The following PDE4D variants were observed in gnomAD, a reference collection of about 807,000 sequenced individuals.
PDE4D encodes the protein phosphodiesterase 4D, also known as 3',5'-cyclic-AMP phosphodiesterase 4D.
In PDE4D, 24 loss-of-function variants were observed where a neutral mutation model predicts 87.4. The observed-to-expected ratio is 0.27, with a 90% CI of 0.20 to 0.39. PDE4D has a LOEUF of 0.39. Among genes scored for constraint, PDE4D ranks in the 10% least tolerant of loss-of-function variants. The pLI is 1.00. For missense variants in PDE4D, 714 were observed against 1,041.0 expected, an observed-to-expected ratio of 0.69 and a Z score of 4.32; for synonymous variants, 384 against 383.2, an observed-to-expected ratio of 1.00 and a Z score of -0.02.
intron 1 of PDE4D, among the ~76,000 whole-genome samples, chr5:59,270,010 A>G (rs1470127221): frequency 2.0e-5 from 3 of 152,112 alleles, no homozygotes; most frequent in Non-Finnish European, 4.4e-5. Flanking sequence ...ACAGTGGACA[A>G]ATGGCTTTTT....
chr5:59,526,640 T>C (rs1813188985), intron 1 of PDE4D, among the ~76,000 whole-genome samples: 1 of 152,220 alleles, frequency 6.6e-6, no homozygotes, highest in Admixed American at 6.5e-5. Flanking sequence ...TTTTATTTTT[T>C]TGAGACAGGG....
rs1009047558 is a variant in PDE4D at position 59,807,453 on chromosome 5, A to T, written c.455+85715T>A. Among the ~76,000 whole-genome samples, 8 of 152,184 alleles carry T rather than the reference A, an allele frequency of 5.3e-5. No individual in the cohort carries two copies. In the East Asian group the frequency reaches 1.5e-3, roughly 29 times the overall value. On this transcript the variant is annotated intron_variant, in intron 1 of 14. Coordinates refer to ENST00000340635, the MANE Select transcript of PDE4D (RefSeq NM_001104631.2). Reference sequence around the variant, plus strand: ...TGGGGGTGGCTACATATGTAGTATGAGGGTAGGAGGTACTGGGCCAAAACG... The same window carrying T: ...TGGGGGTGGCTACATATGTAGTATGTGGGTAGGAGGTACTGGGCCAAAACG...
intron 1 of PDE4D, among the ~76,000 whole-genome samples, chr5:59,478,521 T>A (rs1323422786): frequency 6.6e-6 from 1 of 152,122 alleles, no homozygotes; most frequent in Non-Finnish European, 1.5e-5. Flanking sequence ...CAAATCATTG[T>A]ATCTTCTTTT....
intron 1 of PDE4D, among the ~76,000 whole-genome samples, chr5:60,513,795 A>G (rs764660936): frequency 2.0e-5 from 3 of 151,962 alleles, no homozygotes; most frequent in Non-Finnish European, 4.4e-5. Flanking sequence ...AAAATCCTAC[A>G]GTAGAAAATT....
chr5:60,400,609 C>T (rs989707830), intron 1 of PDE4D, among the ~76,000 whole-genome samples: 6 of 151,410 alleles, frequency 4.0e-5, no homozygotes, highest in Admixed American at 3.3e-4. Flanking sequence ...GTCCTAACAT[C>T]CTACTATAAA....
intron 1 of PDE4D, among the ~76,000 whole-genome samples, chr5:59,417,458 C>A (rs1793798274): frequency 6.6e-6 from 1 of 151,514 alleles, no homozygotes; most frequent in Non-Finnish European, 1.5e-5. Context: ...CACAAATATC[C>A]ATGTCTAGCC....
chr5:60,444,727 G>A (rs1333815268), intron 1 of PDE4D, among the ~76,000 whole-genome samples: 1 of 151,880 alleles, frequency 6.6e-6, no homozygotes, highest in Non-Finnish European at 1.5e-5. Flanking sequence ...GGAGGGGAAG[G>A]GTGGGGATGT....
At chr5:59,003,082 T>G (rs140245339) in intron 6 of PDE4D, among the ~76,000 whole-genome samples, 1 of 152,176 alleles carries the variant, frequency 6.6e-6, no homozygotes, top group Admixed American at 6.5e-5. Context: ...CAGCACTCCA[T>G]GTCTCAGGGC....
intron 4 of PDE4D, among the ~76,000 whole-genome samples, chr5:59,183,738 G>A (rs535132287): frequency 3.3e-5 from 5 of 152,300 alleles, no homozygotes; most frequent in Admixed American, 6.5e-5. Flanking sequence ...CATAGAAAAC[G>A]TGATTGGTAA....
intron 1 of PDE4D, among the ~76,000 whole-genome samples, chr5:59,312,455 G>A (rs1211402274): frequency 6.6e-6 from 1 of 152,178 alleles, no homozygotes; most frequent in Non-Finnish European, 1.5e-5. Flanking sequence ...TATGGGCCAG[G>A]AACCATAGGC....
At chr5:59,462,094 T>C (rs1431660870) in intron 1 of PDE4D, among the ~76,000 whole-genome samples, 3 of 152,152 alleles carry the variant, frequency 2.0e-5, no homozygotes, top group African/African-American at 4.8e-5. Context: ...ATCACCTGTT[T>C]AGAATGATCA....
intron 1 of PDE4D, among the ~76,000 whole-genome samples, chr5:59,581,516 A>G (rs1561259182): frequency 6.6e-6 from 1 of 152,150 alleles, no homozygotes; most frequent in Non-Finnish European, 1.5e-5. Context: ...TTCCTTTTGT[A>G]AGATTTCTAA....
intron 3 of PDE4D, among the ~76,000 whole-genome samples, chr5:59,949,319 G>C (rs971532672): frequency 2.2e-4 from 33 of 151,776 alleles, no homozygotes; most frequent in African/African-American, 7.7e-4. Context: ...TGTATTCCCA[G>C]CTACTCAGGA....
intron 1 of PDE4D, among the ~76,000 whole-genome samples, chr5:60,264,254 A>T (rs111593925): frequency 0.014 from 2,185 of 152,304 alleles, 19 homozygotes; most frequent in African/African-American, 0.03. Context: ...GTTCATGAAA[A>T]TAAAGGGAAA....
chr5:59,752,850 A>G (rs1412503386), intron 1 of PDE4D, among the ~76,000 whole-genome samples: 2 of 152,196 alleles, frequency 1.3e-5, no homozygotes, highest in African/African-American at 2.4e-5. Flanking sequence ...ATAGGGTTGC[A>G]GAGATAGGTG....
chr5:60,216,607 C>A (rs1743874317), intron 1 of PDE4D, among the ~76,000 whole-genome samples: 1 of 151,890 alleles, frequency 6.6e-6, no homozygotes. Flanking sequence ...ACAAATATTC[C>A]ATGTAAAGAG....
intron 6 of PDE4D, among the ~76,000 whole-genome samples, chr5:59,000,871 C>CTA (rs1561275377): frequency 1.3e-5 from 2 of 151,726 alleles, no homozygotes; most frequent in African/African-American, 4.8e-5. Flanking sequence ...GTATTTTTAG[C>CTA]AGAGACGGGA....
Position 59,617,825 on chromosome 5 carries a change from C to G in PDE4D, c.455+275343G>C, listed in dbSNP as rs1013642428. On this transcript the variant is annotated intron_variant, in intron 1 of 14. Coordinates refer to ENST00000340635, the MANE Select transcript of PDE4D (RefSeq NM_001104631.2). ...CCACTCTGTTTCTAGTACTTTGTTT[C>G]AGCAGAAAACTCATACACCACTCAT... Among the ~76,000 whole-genome samples, 4 of 152,278 alleles carry G rather than the reference C, an allele frequency of 2.6e-5. No homozygotes were observed. In the South Asian group the frequency reaches 8.3e-4, roughly 32 times the overall value.
At chr5:60,051,276 A>G (rs930549929) in intron 2 of PDE4D, among the ~76,000 whole-genome samples, 3 of 152,140 alleles carry the variant, frequency 2.0e-5, no homozygotes. Context: ...TCTAAAATTG[A>G]CCACATAATT....
Sources: allele counts gnomAD v4.1 joint callset (sites outside exome capture counted in the v4.1 genomes callset), GRCh38; gene constraint gnomAD v4.1.1; transcripts MANE v1.5; gene names NCBI Gene and HGNC (gene_info 2026-07-23, HGNC 2026-07-21).